The following FARP2 variants were observed in gnomAD, a reference collection of about 807,000 sequenced individuals.
The protein encoded by FARP2 is FERM, ARH/RhoGEF and pleckstrin domain protein 2.
In FARP2, 111 loss-of-function variants were observed where a neutral mutation model predicts 130.5. The ratio of observed to expected loss-of-function variants is 0.85; its 90% CI spans 0.73 to 1.00. FARP2 has a LOEUF of 1.00. FARP2 is among the 50% of genes least tolerant of loss of function. The probability of loss-of-function intolerance (pLI) is 0.00; values close to 1 mark genes in which losing one functional copy is unlikely to be tolerated. For missense variants in FARP2, 1,385 were observed against 1,346.3 expected (o/e 1.03, Z -0.45); for synonymous variants, 504 against 516.9 (o/e 0.98, Z 0.34).
intron 1 of FARP2, among the ~76,000 whole-genome samples, chr2:241,370,931 G>A (rs538104891): frequency 4.6e-5 from 7 of 152,302 alleles, no homozygotes; most frequent in African/African-American, 1.7e-4. Context: ...TGTGCCAAAC[G>A]TGCAGCTCAG....
chr2:241,494,065 G>T lies in FARP2; in HGVS notation c.3105G>T (p.Val1035=), dbSNP rs1046015046. ...SSSAGRAPSI[V]QDGPQPSSGL... is the part of the protein sequence containing the mutation. Reference sequence around the variant, plus strand: ...CAGCCGGGAGGGCCCCAAGCATCGTGCAGGATGGCCCCCAACCCTCCTCAG... The same window carrying T: ...CAGCCGGGAGGGCCCCAAGCATCGTTCAGGATGGCCCCCAACCCTCCTCAG... The change falls in exon 27 of 27, where the codon GTG becomes GTT. Residue 1035 remains valine, a synonymous_variant. Transcript: ENST00000264042. This position sits in a 1 kb window ranked among gnomAD's most constrained non-coding sequence, Gnocchi z 4.9. 2.1e-6 allele frequency: 3 copies of T among 1,440,042 alleles called. No homozygotes were observed. Among genetic ancestry groups the T allele is most frequent in the Non-Finnish European group, 1.8e-6 (2 of 1,098,978 alleles). 89.2% of individuals were successfully genotyped at this position (1,440,042 alleles called of 1,614,324 possible).
intron 7 of FARP2, among the ~76,000 whole-genome samples, chr2:241,417,267 C>T (rs1446306887): frequency 6.6e-6 from 1 of 151,358 alleles, no homozygotes; most frequent in African/African-American, 2.4e-5. Flanking sequence ...CATTTCACTC[C>T]AGCCTGAGCA....
chr2:241,416,015 G>A (rs889998401), intron 7 of FARP2, among the ~76,000 whole-genome samples: 1 of 123,916 alleles, frequency 8.1e-6, no homozygotes, highest in Admixed American at 8.0e-5. Context: ...GTGTGTGTGT[G>A]TGTGTGTGTG....
At chr2:241,492,901 T>G (rs779340478) in intron 24 of FARP2, 28 bp from the exon 25 acceptor site, 1 of 1,347,960 alleles carries the variant, frequency 7.4e-7, no homozygotes, top group Admixed American at 1.7e-5. Context: ...TGCTGGTTAA[T>G]GCACCTGCAT....
At chr2:241,418,585 A>G (rs1425052712) in intron 8 of FARP2, among the ~76,000 whole-genome samples, 1 of 152,216 alleles carries the variant, frequency 6.6e-6, no homozygotes, top group Non-Finnish European at 1.5e-5. Flanking sequence ...AGAATAGAAT[A>G]GAAAATATCA....
chr2:241,365,742 T>C (rs184735070), intron 1 of FARP2, among the ~76,000 whole-genome samples: 2 of 152,302 alleles, frequency 1.3e-5, no homozygotes, highest in East Asian at 3.9e-4. Context: ...TAATTTTCTT[T>C]AGTTTAGCTG....
intron 1 of FARP2, among the ~76,000 whole-genome samples, chr2:241,361,254 G>A (rs1036276631): frequency 9.2e-5 from 14 of 152,104 alleles, no homozygotes; most frequent in African/African-American, 3.4e-4. Context: ...AGGATCCCTG[G>A]CCCTTCACCT....
intron 1 of FARP2, among the ~76,000 whole-genome samples, chr2:241,361,178 T>G (rs1262008727): frequency 6.6e-6 from 1 of 152,182 alleles, no homozygotes; most frequent in African/African-American, 2.4e-5. Context: ...TTTCAAACCA[T>G]GTTTCCTTTC....
intron 24 of FARP2, chr2:241,492,527 C>T (rs1240311393): frequency 6.0e-6 from 1 of 165,598 alleles, no homozygotes; most frequent in Non-Finnish European, 1.3e-5. Context: ...TGCTTAGGGA[C>T]AGGGCTGCAG....
intron 19 of FARP2, chr2:241,478,925 C>A: frequency 4.9e-6 from 2 of 407,688 alleles, no homozygotes; most frequent in South Asian, 2.7e-5. Context: ...TCACAACACC[C>A]CATACAGTAT....
At chr2:241,454,151 C>G (rs895754069) in intron 13 of FARP2, among the ~76,000 whole-genome samples, 2 of 152,198 alleles carry the variant, frequency 1.3e-5, no homozygotes, top group Middle Eastern at 3.4e-3. Context: ...GCAACCCCAG[C>G]AGCGTCATAG....
chr2:241,494,135 T>C lies in FARP2; in HGVS notation c.*10T>C. On this transcript the variant is annotated 3_prime_UTR_variant, in exon 27 of 27. Transcript: ENST00000264042. This position sits in a 1 kb window ranked among gnomAD's most constrained non-coding sequence, Gnocchi z 4.9. The stretch of plus-strand genomic sequence containing the variant: ...GGGGAAGGAGGAATGACGCTCAACC[T>C]GCCCAGGTTTGGACACAACTACAAA... The C allele has an allele frequency of 6.9e-7, 1 of 1,449,942 alleles. No homozygotes were observed. The highest frequency in any genetic ancestry group is 9.1e-7 in the Non-Finnish European group (1 of 1,095,968). The allele number at this position is 1,449,942 out of a possible 1,614,324, so 89.8% of individuals were successfully genotyped here.
chr2:241,373,382 T>C, intron 2 of FARP2, 92 bp downstream of exon 2: 1 of 854,376 alleles, frequency 1.2e-6, no homozygotes, highest in Non-Finnish European at 1.6e-6. Context: ...AGACTTTGCA[T>C]ATTAAGTTGA....
intron 1 of FARP2, among the ~76,000 whole-genome samples, chr2:241,365,412 A>G (rs1266487137): frequency 1.3e-5 from 2 of 152,194 alleles, no homozygotes; most frequent in East Asian, 1.9e-4. Flanking sequence ...CAATACCACT[A>G]AAACACTAGA....
At chr2:241,374,883 C>A (rs2061499275) in intron 2 of FARP2, among the ~76,000 whole-genome samples, 2 of 152,212 alleles carry the variant, frequency 1.3e-5, no homozygotes, top group Admixed American at 1.3e-4. Flanking sequence ...GCTGCCCTTT[C>A]ACCAGCTCTT....
intron 1 of FARP2, among the ~76,000 whole-genome samples, chr2:241,366,222 A>G (rs1248667697): frequency 6.7e-6 from 1 of 150,000 alleles, no homozygotes; most frequent in Non-Finnish European, 1.5e-5. Flanking sequence ...ATTCACTTTC[A>G]CACCAAAGCA....
Position 241,435,944 on chromosome 2 carries a change from G to A in FARP2, c.1101-537G>A, listed in dbSNP as rs1465421896. Among the ~76,000 whole-genome samples, 11 of 98,176 alleles carry A rather than the reference G, an allele frequency of 1.1e-4. No individual in the cohort carries two copies. The East Asian group carries it at 1.3e-3, about 12-fold the overall frequency. The allele number at this position is 98,176 out of a possible 152,430, so 64.4% of individuals were successfully genotyped here. A position where few individuals can be genotyped will look rare whatever the true frequency, so the allele number is the denominator to read the frequency against. The stretch of plus-strand genomic sequence containing the variant: ...TTTTTTTTTTTTGAGATGGAGTCTT[G>A]CTCTGTCGTCCAGGCTGGAGTGCAG... On this transcript the variant is annotated intron_variant, in intron 11 of 26. Coordinates refer to ENST00000264042, the MANE Select transcript of FARP2 (RefSeq NM_014808.4).
intron 13 of FARP2, among the ~76,000 whole-genome samples, chr2:241,455,776 G>C (rs937351943): frequency 1.8e-5 from 2 of 111,314 alleles, no homozygotes; most frequent in African/African-American, 3.6e-5. Flanking sequence ...GTCTTGCTCT[G>C]TCATCCAGGC....
chr2:241,448,762 T>G (rs2063573832), intron 13 of FARP2, among the ~76,000 whole-genome samples: 1 of 152,256 alleles, frequency 6.6e-6, no homozygotes, highest in Non-Finnish European at 1.5e-5. Context: ...ACTTCGTGTG[T>G]TGATACAGTT....
Sources: allele counts gnomAD v4.1 joint callset (sites outside exome capture counted in the v4.1 genomes callset), GRCh38; gene constraint gnomAD v4.1.1; non-coding constraint Gnocchi (gnomAD v3.1); transcripts MANE v1.5; gene names NCBI Gene and HGNC (gene_info 2026-07-23, HGNC 2026-07-21).